The following COL14A1 variants were observed in gnomAD, a reference collection of about 807,000 sequenced individuals.
COL14A1 encodes the protein collagen type XIV alpha 1 chain, also known as collagen alpha-1(XIV) chain.
A neutral mutation model predicts 230.3 loss-of-function variants in COL14A1; 136 were observed. That is an observed-to-expected ratio of 0.59 (90% confidence interval 0.51 to 0.68). COL14A1 has a LOEUF of 0.68. Ranked by LOEUF, COL14A1 falls within the 30% of genes least tolerant of loss-of-function variation. The pLI, the probability that COL14A1 is intolerant of heterozygous loss-of-function variation, is 0.00. For synonymous variants in COL14A1, 792 were observed against 784.1 expected, an observed-to-expected ratio of 1.01 and a Z score of -0.17; for missense variants, 1,976 against 2,215.8, an observed-to-expected ratio of 0.89 and a Z score of 2.17.
At chr8:120,285,463 C>CAAAAA (rs1218052645) in intron 32 of COL14A1, among the ~76,000 whole-genome samples, 2 of 64,974 alleles carry the variant, frequency 3.1e-5, no homozygotes, top group African/African-American at 6.2e-5. Context: ...GACTCCATCT[C>CAAAAA]AAAAAAAAAA....
At chr8:120,281,564 T>TAA (rs1563715416) in intron 31 of COL14A1, among the ~76,000 whole-genome samples, 1,634 of 79,438 alleles carry the variant, frequency 0.021, 31 homozygotes, top group African/African-American at 0.098. Context: ...GACCCCGTCT[T>TAA]TAAAAAAAAA....
At chr8:120,144,489 C>CTA (rs1287151668) in intron 1 of COL14A1, among the ~76,000 whole-genome samples, 10 of 152,090 alleles carry the variant, frequency 6.6e-5, no homozygotes, top group African/African-American at 2.4e-4. Flanking sequence ...AGGCAAGGTT[C>CTA]AGCATCCGTT....
chr8:120,317,425 G>A (rs1054601481), intron 40 of COL14A1, among the ~76,000 whole-genome samples: 4 of 152,078 alleles, frequency 2.6e-5, no homozygotes, highest in African/African-American at 7.2e-5. Context: ...TAGTCAGTCC[G>A]TGAAATATGT....
In COL14A1 at chr8:120,266,925, A is replaced by G. The variant is rs117037137; in HGVS notation, c.3073+42A>G. 2.5e-3 allele frequency: 3,807 copies of G among 1,538,210 alleles called. 7 individuals carry two copies. Among genetic ancestry groups the G allele is most frequent in the Non-Finnish European group, 3.1e-3 (3,499 of 1,112,052 alleles). On this transcript the variant is annotated intron_variant, in intron 25 of 47. Transcript: ENST00000297848. ...ATAATTATCTGATTCTAGGTTTAGG[A>G]TTTGTGTTGGTTTTGTTTGCCTGTT...
intron 5 of COL14A1, among the ~76,000 whole-genome samples, chr8:120,171,294 A>G (rs895569827): frequency 1.3e-4 from 20 of 152,214 alleles, no homozygotes; most frequent in African/African-American, 4.6e-4. Flanking sequence ...CAAATATATT[A>G]TTGAATATAT....
chr8:120,177,553 G>A (rs1816319510), intron 5 of COL14A1, among the ~76,000 whole-genome samples: 1 of 150,762 alleles, frequency 6.6e-6, no homozygotes, highest in East Asian at 2.0e-4. Context: ...GGAGGCTGAG[G>A]CAGGAGAATT....
At chr8:120,338,253 TG>T (rs1822153816) in intron 42 of COL14A1, among the ~76,000 whole-genome samples, 1 of 152,182 alleles carries the variant, frequency 6.6e-6, no homozygotes, top group African/African-American at 2.4e-5. Context: ...TCCTTAGGCA[TG>T]GTATGTTTGC....
chr8:120,330,921 C>T (rs922723928), intron 40 of COL14A1, among the ~76,000 whole-genome samples: 3 of 151,986 alleles, frequency 2.0e-5, no homozygotes, highest in Non-Finnish European at 2.9e-5. Flanking sequence ...GTCTGACGAA[C>T]ATGGAGAAAC....
chr8:120,340,037 CAAAAAAAAA>C (rs530829054), intron 42 of COL14A1, among the ~76,000 whole-genome samples: 6 of 77,732 alleles, frequency 7.7e-5, no homozygotes, highest in Non-Finnish European at 1.2e-4. Context: ...GACTGCGTCT[CAAAAAAAAA>C]AAAAAAAAAA....
At chr8:120,267,569 T>G (rs1402659081) in intron 25 of COL14A1, among the ~76,000 whole-genome samples, 1 of 151,916 alleles carries the variant, frequency 6.6e-6, no homozygotes, top group African/African-American at 2.4e-5. Flanking sequence ...CTGCTGCAGA[T>G]TAATGACTCA....
At chr8:120,350,614 C>T (rs1349175930) in intron 45 of COL14A1, among the ~76,000 whole-genome samples, 1 of 150,340 alleles carries the variant, frequency 6.7e-6, no homozygotes, top group Non-Finnish European at 1.5e-5. Flanking sequence ...AGACTTTAAA[C>T]CATCAAAGAT....
intron 44 of COL14A1, 92 bp downstream of exon 44, chr8:120,342,538 A>C: frequency 8.3e-7 from 1 of 1,211,316 alleles, no homozygotes; most frequent in Non-Finnish European, 1.2e-6. Context: ...ACTAAGGAAA[A>C]CTCTAAAGCA....
intron 32 of COL14A1, among the ~76,000 whole-genome samples, chr8:120,284,279 A>G (rs1311783964): frequency 6.6e-6 from 1 of 152,184 alleles, no homozygotes; most frequent in Non-Finnish European, 1.5e-5. Flanking sequence ...TCAACTAGAA[A>G]ATGAGTCTAG....
intron 42 of COL14A1, among the ~76,000 whole-genome samples, chr8:120,337,401 T>TAAAAAAAAAAAAAAAAAAAAAAAAA (rs60418574): frequency 2.3e-5 from 3 of 129,460 alleles, no homozygotes; most frequent in Non-Finnish European, 4.8e-5. Context: ...GTCTCAAAAT[T>TAAAAAAAAAAAAAAAAAAAAAAAAA]AAAAAAAAAA....
intron 40 of COL14A1, among the ~76,000 whole-genome samples, chr8:120,330,776 G>C (rs2130201796): frequency 6.6e-6 from 1 of 152,242 alleles, no homozygotes; most frequent in Admixed American, 6.5e-5. Context: ...ACACCTTGAG[G>C]TAGGGAGACA....
intron 31 of COL14A1, among the ~76,000 whole-genome samples, chr8:120,282,454 C>A (rs1029021390): frequency 2.0e-5 from 3 of 152,162 alleles, no homozygotes; most frequent in African/African-American, 7.2e-5. Context: ...CATCACAGGA[C>A]CTTTGTCAGT....
chr8:120,250,741 C>A lies in COL14A1; in HGVS notation c.2727C>A (p.Asp909Glu), dbSNP rs770884085. The change falls in exon 22 of 48, where the codon GAC (aspartate) becomes GAA (glutamate). Residue 909 changes from aspartate (D) to glutamate (E), a missense_variant. Coordinates refer to ENST00000297848, the MANE Select transcript of COL14A1 (RefSeq NM_021110.4). Reference protein sequence around the residue: ...IFASQASGFSDALTGMVKTLF... With the variant: ...IFASQASGFSEALTGMVKTLF... ...CCTCCCAGGCCTCAGGCTTCAGCGA[C>A]GCCCTGACAGGCATGGTGAAAACAT... 2 of 1,614,050 alleles carry A rather than the reference C, an allele frequency of 1.2e-6. No individual in the cohort carries two copies. Among genetic ancestry groups the A allele is most frequent in the East Asian group, 4.5e-5 (2 of 44,892 alleles).
intron 25 of COL14A1, 164 bp downstream of exon 25, chr8:120,267,047 T>C: frequency 3.3e-6 from 2 of 603,818 alleles, no homozygotes; most frequent in South Asian, 2.1e-5. Flanking sequence ...TTGAATGATA[T>C]CCATTTAATA....
chr8:120,201,269 T>C (rs1450481693), intron 8 of COL14A1, among the ~76,000 whole-genome samples: 1 of 152,098 alleles, frequency 6.6e-6, no homozygotes, highest in East Asian at 1.9e-4. Flanking sequence ...TAGAACCTTG[T>C]TATTTTGTGT....
Sources: allele counts gnomAD v4.1 joint callset (sites outside exome capture counted in the v4.1 genomes callset), GRCh38; gene constraint gnomAD v4.1.1; transcripts MANE v1.5; gene names NCBI Gene and HGNC (gene_info 2026-07-23, HGNC 2026-07-21).